SLC4A4: variants seen among roughly 807,000 people sequenced by gnomAD.
SLC4A4 encodes the protein solute carrier family 4 member 4.
In SLC4A4, 27 loss-of-function variants were observed where a neutral mutation model predicts 111.5. The ratio of observed to expected loss-of-function variants is 0.24; its 90% CI spans 0.18 to 0.33. The LOEUF is 0.33. Among genes scored for constraint, SLC4A4 ranks in the 10% least tolerant of loss-of-function variants. SLC4A4 has a pLI of 1.00. For synonymous variants in SLC4A4, 443 were observed against 463.4 expected, an observed-to-expected ratio of 0.96 and a Z score of 0.57; for missense variants, 909 against 1,315.5, an observed-to-expected ratio of 0.69 and a Z score of 4.78.
At chr4:71,243,011 A>G (rs1302682057) in intron 2 of SLC4A4, among the ~76,000 whole-genome samples, 10 of 152,206 alleles carry the variant, frequency 6.6e-5, no homozygotes, top group Admixed American at 6.5e-4. Context: ...TTTCACAGTT[A>G]GACTGCTCTG....
intron 16 of SLC4A4, among the ~76,000 whole-genome samples, chr4:71,510,686 A>G (rs1731833899): frequency 6.6e-6 from 1 of 152,170 alleles, no homozygotes. Flanking sequence ...CTGTCTTTTT[A>G]GTGGAGAATT....
Position 71,320,740 on chromosome 4 carries a change from G to A in SLC4A4, c.254-18630G>A, listed in dbSNP as rs139819014. On this transcript the variant is annotated intron_variant, in intron 3 of 25. Transcript: ENST00000264485. Reference sequence around the variant, plus strand: ...GATGGATCTAAACAAGGGGTTGTCTGAGAAGGCAAAGGAATCTAAGTTTTA... The same window carrying A: ...GATGGATCTAAACAAGGGGTTGTCTAAGAAGGCAAAGGAATCTAAGTTTTA... Among the ~76,000 whole-genome samples, 39 of 152,114 alleles carry A rather than the reference G, an allele frequency of 2.6e-4. No individual in the cohort carries two copies. In the East Asian group the frequency reaches 7.2e-3, roughly 28 times the overall value.
intron 14 of SLC4A4, among the ~76,000 whole-genome samples, chr4:71,473,637 C>G (rs963299559): frequency 6.6e-6 from 1 of 151,774 alleles, no homozygotes; most frequent in Non-Finnish European, 1.5e-5. Flanking sequence ...GAATGTGATT[C>G]TCTATATCTT....
chr4:71,065,907 C>T (rs1171270427), intron 1 of SLC4A4, among the ~76,000 whole-genome samples: 1 of 151,804 alleles, frequency 6.6e-6, no homozygotes, highest in African/African-American at 2.4e-5. Flanking sequence ...ATTGTAATTG[C>T]CTATTTATTT....
intron 13 of SLC4A4, 105 bp downstream of exon 13, chr4:71,466,682 C>G: frequency 8.5e-7 from 1 of 1,173,772 alleles, no homozygotes; most frequent in Non-Finnish European, 1.3e-6. Flanking sequence ...AAGAATCACT[C>G]AGAATACTGG....
chr4:71,091,262 T>C (rs1742379632), intron 1 of SLC4A4, among the ~76,000 whole-genome samples: 1 of 151,602 alleles, frequency 6.6e-6, no homozygotes, highest in African/African-American at 2.4e-5. Flanking sequence ...AATTTTTTTT[T>C]TTTTTTTTGA....
chr4:71,250,809 A>G (rs895578171), intron 2 of SLC4A4, among the ~76,000 whole-genome samples: 2 of 152,186 alleles, frequency 1.3e-5, no homozygotes, highest in Non-Finnish European at 2.9e-5. Flanking sequence ...GAAGCACTGT[A>G]CTAGTCTTGA....
At chr4:71,070,341 G>C (rs1741632287) in intron 1 of SLC4A4, among the ~76,000 whole-genome samples, 1 of 152,154 alleles carries the variant, frequency 6.6e-6, no homozygotes. Context: ...CAGTTACTTA[G>C]TCACTCAGAA....
intron 9 of SLC4A4, among the ~76,000 whole-genome samples, chr4:71,450,150 AG>A (rs1484647242): frequency 6.6e-6 from 1 of 152,220 alleles, no homozygotes; most frequent in African/African-American, 2.4e-5. Flanking sequence ...TATTATTGGT[AG>A]GAAAAAAAAC....
chr4:71,486,160 A>C (rs1039832803), intron 14 of SLC4A4, among the ~76,000 whole-genome samples: 5 of 151,580 alleles, frequency 3.3e-5, no homozygotes, highest in African/African-American at 1.2e-4. Context: ...TAAATTAGGA[A>C]TATGCTCTAA....
chr4:71,482,040 A>G (rs1019082816), intron 14 of SLC4A4, among the ~76,000 whole-genome samples: 2 of 151,678 alleles, frequency 1.3e-5, no homozygotes, highest in African/African-American at 4.8e-5. Context: ...AGGAGATTGC[A>G]GATTCCATAT....
At chr4:71,429,071 G>T (rs748408511) in intron 7 of SLC4A4, among the ~76,000 whole-genome samples, 13 of 152,048 alleles carry the variant, frequency 8.5e-5, no homozygotes, top group Non-Finnish European at 1.3e-4. Flanking sequence ...TTAAATATCT[G>T]CCCAGTGACT....
At chr4:71,541,818 G>A (rs1405702427) in intron 18 of SLC4A4, among the ~76,000 whole-genome samples, 1 of 151,974 alleles carries the variant, frequency 6.6e-6, no homozygotes, top group Non-Finnish European at 1.5e-5. Context: ...ATCTGAAAAA[G>A]GTAATGGCAG....
intron 12 of SLC4A4, among the ~76,000 whole-genome samples, chr4:71,461,307 T>C (rs1452108945): frequency 6.6e-6 from 1 of 152,064 alleles, no homozygotes; most frequent in Non-Finnish European, 1.5e-5. Context: ...AATAGAAAAT[T>C]TTTTGTTTTC....
rs551370358 is a variant in SLC4A4, at chr4:71,147,222, G to A, written c.-2+54430G>A. Reference sequence around the variant, plus strand: ...GGGGATTAGGAATTATATGAATTTTGTTGTTTAACAAGAAGCCCTCCCCTT... The same window carrying A: ...GGGGATTAGGAATTATATGAATTTTATTGTTTAACAAGAAGCCCTCCCCTT... On this transcript the variant is annotated intron_variant, in intron 2 of 26. Coordinates refer to the SLC4A4 transcript ENST00000649996. Among the ~76,000 whole-genome samples the A allele has an allele frequency of 2.6e-5, 4 of 152,220 alleles. 1 individual carries two copies. The highest frequency in any genetic ancestry group is 3.4e-3 in the Middle Eastern group (1 of 294).
chr4:71,400,160 C>A lies in SLC4A4; in HGVS notation c.807+2507C>A, dbSNP rs191488334. On this transcript the variant is annotated intron_variant, in intron 7 of 25. Coordinates refer to ENST00000264485, the MANE Select transcript of SLC4A4 (RefSeq NM_001098484.3). The stretch of plus-strand genomic sequence containing the variant: ...TGAGGAAGCCTTCTTTTATTAAGGG[C>A]AGCTCTCCTTTTGCCAGGAATTTGG... Among the ~76,000 whole-genome samples the A allele has an allele frequency of 3.3e-4, 51 of 152,258 alleles. 1 individual carries two copies. Among genetic ancestry groups the A allele is most frequent in the Middle Eastern group, 3.4e-3 (1 of 294 alleles).
At chr4:71,458,095 T>C (rs1451701684) in intron 12 of SLC4A4, among the ~76,000 whole-genome samples, 1 of 152,150 alleles carries the variant, frequency 6.6e-6, no homozygotes, top group Non-Finnish European at 1.5e-5. Context: ...AATTCATTTA[T>C]ATTCTTGGTT....
intron 2 of SLC4A4, among the ~76,000 whole-genome samples, chr4:71,237,469 CAT>C (rs1355017481): frequency 2.0e-5 from 3 of 152,094 alleles, no homozygotes; most frequent in Admixed American, 6.5e-5. Context: ...GCAGGTGAAT[CAT>C]GTGATCAATT....
chr4:71,385,528 A>G (rs1173955429), intron 6 of SLC4A4, among the ~76,000 whole-genome samples: 2 of 152,010 alleles, frequency 1.3e-5, no homozygotes, highest in African/African-American at 4.8e-5. Flanking sequence ...TCTTATCTAT[A>G]AATTTTGTGC....
Sources: gnomAD v4.1 joint callset for allele counts (sites outside exome capture counted in the v4.1 genomes callset) on GRCh38, gnomAD v4.1.1 for gene constraint, MANE v1.5 for transcripts, NCBI Gene and HGNC (gene_info 2026-07-23, HGNC 2026-07-21) for gene names.